SYN3: variants seen among roughly 807,000 people sequenced by gnomAD.
SYN3 encodes the protein synapsin-3.
A neutral mutation model predicts 65.8 loss-of-function variants in SYN3; 35 were observed. That is an observed-to-expected ratio of 0.53 (90% confidence interval 0.41 to 0.70). The LOEUF is 0.70. Among genes scored for constraint, SYN3 ranks in the 30% least tolerant of loss-of-function variants. SYN3 has a pLI of 0.00. For synonymous variants in SYN3, 270 were observed against 292.9 expected, an observed-to-expected ratio of 0.92 and a Z score of 0.80; for missense variants, 680 against 749.0, an observed-to-expected ratio of 0.91 and a Z score of 1.08.
intron 6 of SYN3, among the ~76,000 whole-genome samples, chr22:32,645,995 C>A (rs994983585): frequency 2.0e-5 from 3 of 152,052 alleles, no homozygotes; most frequent in Admixed American, 2.0e-4. Flanking sequence ...AAGGAGGGGA[C>A]CTGCACATTA....
At chr22:32,710,289 C>T (rs2060942496) in intron 6 of SYN3, among the ~76,000 whole-genome samples, 1 of 151,450 alleles carries the variant, frequency 6.6e-6, no homozygotes. Context: ...TAACACCATC[C>T]ACCTTGGAGC....
chr22:32,756,964 T>C (rs2045307532), intron 6 of SYN3, among the ~76,000 whole-genome samples: 1 of 152,142 alleles, frequency 6.6e-6, no homozygotes. Context: ...ATCAGTGACT[T>C]GATTTTTTGA....
intron 6 of SYN3, among the ~76,000 whole-genome samples, chr22:32,757,294 CTTT>C (rs148259174): frequency 0.028 from 3,121 of 113,150 alleles, 79 homozygotes; most frequent in African/African-American, 0.079. Flanking sequence ...CTCCTCCTAC[CTTT>C]TTTTTTTTTT....
chr22:32,571,493 C>T (rs1158609363), intron 7 of SYN3, among the ~76,000 whole-genome samples: 1 of 152,216 alleles, frequency 6.6e-6, no homozygotes, highest in African/African-American at 2.4e-5. Context: ...GGCTTCCTAA[C>T]CTGTGAAGCA....
intron 6 of SYN3, among the ~76,000 whole-genome samples, chr22:32,601,439 G>A (rs1298515833): frequency 6.6e-6 from 1 of 152,052 alleles, no homozygotes; most frequent in African/African-American, 2.4e-5. Flanking sequence ...CACCACGCCC[G>A]GCTAATATTT....
chr22:32,788,549 A>G (rs1007504897), intron 6 of SYN3, among the ~76,000 whole-genome samples: 2 of 152,134 alleles, frequency 1.3e-5, no homozygotes, highest in African/African-American at 2.4e-5. Flanking sequence ...TCAAAAAAAA[A>G]AATAATAATA....
At chr22:32,662,842 T>C (rs2060234553) in intron 6 of SYN3, among the ~76,000 whole-genome samples, 1 of 152,234 alleles carries the variant, frequency 6.6e-6, no homozygotes, top group African/African-American at 2.4e-5. Flanking sequence ...TAGAATTACA[T>C]GAGTGGATAG....
At chr22:32,541,464 G>C in intron 8 of SYN3, 107 bp downstream of exon 8, 1 of 1,385,034 alleles carries the variant, frequency 7.2e-7, no homozygotes, top group Non-Finnish European at 1.0e-6. Flanking sequence ...TAAGGAGACA[G>C]GAAGGAGGAT....
intron 4 of SYN3, among the ~76,000 whole-genome samples, chr22:32,874,320 C>A (rs1569294539): frequency 3.9e-5 from 6 of 152,170 alleles, no homozygotes; most frequent in African/African-American, 1.4e-4. Flanking sequence ...GTTATTTCAC[C>A]TTTAACCGTA....
chr22:32,598,588 C>A (rs952367737), intron 6 of SYN3, among the ~76,000 whole-genome samples: 1 of 152,116 alleles, frequency 6.6e-6, no homozygotes, highest in Non-Finnish European at 1.5e-5. Flanking sequence ...TGGGTTCAAG[C>A]GATTCTCCTG....
intron 6 of SYN3, among the ~76,000 whole-genome samples, chr22:32,762,666 T>C (rs1010120391): frequency 6.6e-6 from 1 of 152,160 alleles, no homozygotes; most frequent in Non-Finnish European, 1.5e-5. Context: ...TCAGGTGATA[T>C]AGAAGAACAG....
At chr22:32,653,071 T>G (rs2060095165) in intron 6 of SYN3, among the ~76,000 whole-genome samples, 1 of 152,218 alleles carries the variant, frequency 6.6e-6, no homozygotes, top group Non-Finnish European at 1.5e-5. Context: ...TGTAAACACA[T>G]GTCTACCATC....
At chr22:32,748,636 T>C (rs541385445) in intron 6 of SYN3, among the ~76,000 whole-genome samples, 131 of 152,298 alleles carry the variant, frequency 8.6e-4, no homozygotes, top group Middle Eastern at 3.4e-3. Context: ...TGATGTAACT[T>C]GGAAGGTGGT....
At chr22:32,883,298 T>G (rs1472010767) in intron 4 of SYN3, among the ~76,000 whole-genome samples, 1 of 152,200 alleles carries the variant, frequency 6.6e-6, no homozygotes, top group African/African-American at 2.4e-5. Context: ...CCCTCCACTG[T>G]GGACAGGAAA....
intron 4 of SYN3, among the ~76,000 whole-genome samples, chr22:32,902,917 G>A (rs925213492): frequency 4.6e-5 from 7 of 151,940 alleles, no homozygotes; most frequent in Non-Finnish European, 1.0e-4. Flanking sequence ...TTTTACTGAG[G>A]AGGACACTGA....
chr22:32,628,903 G>C (rs559167665), intron 6 of SYN3, among the ~76,000 whole-genome samples: 20 of 152,310 alleles, frequency 1.3e-4, no homozygotes, highest in African/African-American at 4.3e-4. Flanking sequence ...TTCTCTGAAG[G>C]AAGAGGCTGT....
chr22:32,648,218 C>T (rs771839177), intron 6 of SYN3, among the ~76,000 whole-genome samples: 6 of 152,146 alleles, frequency 3.9e-5, no homozygotes, highest in Non-Finnish European at 7.3e-5. Flanking sequence ...TCTTTCAACA[C>T]CTCCCCAATA....
chr22:32,542,267 G>A (rs905877991), intron 7 of SYN3, among the ~76,000 whole-genome samples: 2 of 152,128 alleles, frequency 1.3e-5, no homozygotes, highest in African/African-American at 4.8e-5. Context: ...GGTGTGATAT[G>A]AGACACAGAG....
At chr22:32,850,354 C>T (rs945384306) in intron 6 of SYN3, among the ~76,000 whole-genome samples, 1 of 152,014 alleles carries the variant, frequency 6.6e-6, no homozygotes, top group Non-Finnish European at 1.5e-5. Flanking sequence ...TCCTAACATC[C>T]TCTCTAGCTC....
Sources: allele counts gnomAD v4.1 joint callset (sites outside exome capture counted in the v4.1 genomes callset), GRCh38; gene constraint gnomAD v4.1.1; transcripts MANE v1.5; gene names NCBI Gene and HGNC (gene_info 2026-07-23, HGNC 2026-07-21).